STARD4: variants seen among roughly 807,000 people sequenced by gnomAD.
The protein encoded by STARD4 is stAR-related lipid transfer protein 4.
In STARD4, 33 loss-of-function variants were observed where a neutral mutation model predicts 24.9. The ratio of observed to expected loss-of-function variants is 1.32; its 90% confidence interval spans 1.00 to 1.77. The LOEUF (loss-of-function observed/expected upper bound fraction) is 1.77, where lower values mean the gene tolerates loss of function less well. STARD4 is among the 40% of genes most tolerant of loss of function. The probability of loss-of-function intolerance (pLI) is 0.00; values close to 1 mark genes in which losing one functional copy is unlikely to be tolerated. For synonymous variants in STARD4, 88 were observed against 77.4 expected, an observed-to-expected ratio of 1.14 and a Z score of -0.72; for missense variants, 238 against 249.3, an observed-to-expected ratio of 0.95 and a Z score of 0.31.
At chr5:111,506,299 G>C (rs946177430) in intron 3 of STARD4, 31 bp downstream of exon 3, 1 of 1,295,562 alleles carries the variant, frequency 7.7e-7, no homozygotes, top group African/African-American at 1.5e-5. Context: ...AATGTCTTAA[G>C]AGCTGTGTAA....
chr5:111,504,999 A>G (rs1326462807), intron 3 of STARD4: 1 of 455,012 alleles, frequency 2.2e-6, no homozygotes, highest in South Asian at 1.6e-5. Context: ...GTCCAACTCA[A>G]CACATCAGGT....
In STARD4 at chr5:111,507,317, G is replaced by T. The variant is rs141858664; in HGVS notation, c.105+12C>A. On this transcript the variant is annotated intron_variant, in intron 2 of 5. Transcript: ENST00000296632. This position sits in a 1 kb window ranked among gnomAD's most constrained non-coding sequence, Gnocchi z 4.4. ...AGATATACCCCAAATATAAGTAATT[G>T]AACTAATTTACCGTTTTCTTAGCAA... The T allele has an allele frequency of 3.4e-4, 539 of 1,600,602 alleles. 6 individuals are homozygous for T. In the East Asian group the frequency reaches 8.0e-3, roughly 24 times the overall value.
chr5:111,505,026 A>C, intron 3 of STARD4: 1 of 455,072 alleles, frequency 2.2e-6, no homozygotes, highest in Non-Finnish European at 4.4e-6. Context: ...TCTTTTGATC[A>C]CATATCCCTT....
rs1214516348 is a variant in STARD4 at position 111,503,041 on chromosome 5, C to T, written c.156-953G>A. Among the ~76,000 whole-genome samples the T allele has an allele frequency of 2.0e-5, 3 of 152,070 alleles. No individual in the cohort carries two copies. In the East Asian group the frequency reaches 5.8e-4, roughly 29 times the overall value. On this transcript the variant is annotated intron_variant, in intron 3 of 5. Coordinates refer to ENST00000296632, the MANE Select transcript of STARD4 (RefSeq NM_139164.3). The stretch of plus-strand genomic sequence containing the variant: ...GTTTCCACTTATTTTTATATTCTTT[C>T]CTCAGTTATCCTCTGACATACTAGT...
chr5:111,505,422 T>C lies in STARD4; in HGVS notation c.155+908A>G, dbSNP rs1756782468. On this transcript the variant is annotated intron_variant, in intron 3 of 5. Coordinates refer to ENST00000296632, the MANE Select transcript of STARD4 (RefSeq NM_139164.3). Reference sequence around the variant, plus strand: ...ACTAACAGGGTCCAGCAGTTTTATTTTGAAAAATGGCTGAGTCTTAAGGAT... The same window carrying C: ...ACTAACAGGGTCCAGCAGTTTTATTCTGAAAAATGGCTGAGTCTTAAGGAT... Among the ~76,000 whole-genome samples the C allele has an allele frequency of 2.6e-5, 4 of 152,330 alleles. 1 individual carries two copies. Among genetic ancestry groups the C allele is most frequent in the South Asian group, 4.1e-4 (2 of 4,828 alleles).
intron 5 of STARD4, 141 bp downstream of exon 5, chr5:111,500,861 A>G: frequency 6.4e-7 from 1 of 1,568,988 alleles, no homozygotes; most frequent in Non-Finnish European, 8.6e-7. Flanking sequence ...TTTACTCCCT[A>G]GAGTTTAGCA....
rs938925300 is a variant in STARD4 at position 111,498,332 on chromosome 5, T to C, written c.*1554A>G. The C allele has an allele frequency of 6.6e-6, 1 of 151,846 alleles. No homozygotes were observed. Among genetic ancestry groups the C allele is most frequent in the Admixed American group, 6.6e-5 (1 of 15,202 alleles). 9.4% of individuals were successfully genotyped at this position (151,846 alleles called of 1,614,324 possible). A position where few individuals can be genotyped will look rare whatever the true frequency, so the allele number is the denominator to read the frequency against. ...AAAGAGAGCACTAGAGTAGAGATAG[T>C]GGGCAGTTTATTTGCTTTTAGGGAC... On this transcript the variant is annotated 3_prime_UTR_variant, in exon 6 of 6. Transcript: ENST00000296632.
intron 4 of STARD4, among the ~76,000 whole-genome samples, chr5:111,501,446 T>C (rs1756446009): frequency 6.6e-6 from 1 of 152,188 alleles, no homozygotes; most frequent in Non-Finnish European, 1.5e-5. Flanking sequence ...AATCCACAAA[T>C]ACTTTGACTG....
chr5:111,499,202 T>C lies in STARD4; in HGVS notation c.*684A>G, dbSNP rs1389781744. ...GTTCAAAACCCAAAGTCATTTAGAA[T>C]GTGAAAATCATTTAGAAATTCTCAC... On this transcript the variant is annotated 3_prime_UTR_variant, in exon 6 of 6. Transcript: ENST00000296632. The C allele has an allele frequency of 1.3e-5, 2 of 152,228 alleles. No individual in the cohort carries two copies. Among genetic ancestry groups the C allele is most frequent in the East Asian group, 3.8e-4 (2 of 5,198 alleles). 9.4% of individuals were successfully genotyped at this position (152,228 alleles called of 1,614,324 possible).
At chr5:111,501,198 G>T (rs1463349667) in intron 4 of STARD4, 82 bp from the exon 5 acceptor site, 7 of 1,328,124 alleles carry the variant, frequency 5.3e-6, no homozygotes, top group South Asian at 3.4e-5. Context: ...TCTCTGGAAA[G>T]AAACTAATAT....
At chr5:111,505,534 C>A (rs181467510) in intron 3 of STARD4, among the ~76,000 whole-genome samples, 143 of 152,262 alleles carry the variant, frequency 9.4e-4, no homozygotes, top group African/African-American at 3.3e-3. Context: ...ATTAAATAAT[C>A]TTCAAAAATG....
rs894335566 is a variant in STARD4 at position 111,507,695 on chromosome 5, A to C, written c.-9-253T>G. Reference sequence around the variant, plus strand: ...TTTTTACAATTAAAATCACTCATACAGAAAGTAGAAGAGAAGACAGGAGGA... The same window carrying C: ...TTTTTACAATTAAAATCACTCATACCGAAAGTAGAAGAGAAGACAGGAGGA... On this transcript the variant is annotated intron_variant, in intron 1 of 5. Coordinates refer to ENST00000296632, the MANE Select transcript of STARD4 (RefSeq NM_139164.3). The surrounding 1 kb of genome is among the most constrained non-coding windows in gnomAD (Gnocchi z 4.4). Among the ~76,000 whole-genome samples, 2 of 152,200 alleles carry C rather than the reference A, an allele frequency of 1.3e-5. No individual in the cohort carries two copies. The highest frequency in any genetic ancestry group is 2.9e-5 in the Non-Finnish European group (2 of 68,016).
At chr5:111,506,531 G>T in intron 2 of STARD4, 152 bp from the exon 3 acceptor site, 1 of 400,458 alleles carries the variant, frequency 2.5e-6, no homozygotes, top group Non-Finnish European at 4.6e-6. Context: ...TACCATAAAA[G>T]GATTTGTATT....
intron 1 of STARD4, among the ~76,000 whole-genome samples, chr5:111,510,783 A>G (rs1242409664): frequency 2.0e-5 from 3 of 152,164 alleles, no homozygotes; most frequent in African/African-American, 7.2e-5. Context: ...TCCAACTCCA[A>G]TTATTCTCAA....
At chr5:111,502,394 C>T (rs998250840) in intron 3 of STARD4, among the ~76,000 whole-genome samples, 30 of 150,204 alleles carry the variant, frequency 2.0e-4, no homozygotes, top group Admixed American at 2.6e-4. Context: ...ACTTGAACCC[C>T]GGAGGTGGAG....
Position 111,508,840 on chromosome 5 carries a change from T to G in STARD4, c.-9-1398A>C, listed in dbSNP as rs1377941825. 3.3e-5 allele frequency among the ~76,000 whole-genome samples: 5 copies of G among 152,102 alleles called. No individual in the cohort carries two copies. In the East Asian group the frequency reaches 5.8e-4, roughly 18 times the overall value. The stretch of plus-strand genomic sequence containing the variant: ...GATCAGAACTAACTGATCTAAAAAT[T>G]AAAGTGACAGAAATAAATTAAGGTT... On this transcript the variant is annotated intron_variant, in intron 1 of 5. Coordinates refer to ENST00000296632, the MANE Select transcript of STARD4 (RefSeq NM_139164.3).
intron 3 of STARD4, among the ~76,000 whole-genome samples, chr5:111,504,815 T>A (rs1378988653): frequency 6.6e-6 from 1 of 152,192 alleles, no homozygotes; most frequent in Non-Finnish European, 1.5e-5. Context: ...AGTCAGAACT[T>A]ATCAGTCACT....
chr5:111,498,777 A>C lies in STARD4; in HGVS notation c.*1109T>G, dbSNP rs1756240151. ...GCTGCTGCCACCTTTTGTTTTTTGA[A>C]ATCTATCATCACCAGTGGCAAAAAA... On this transcript the variant is annotated 3_prime_UTR_variant, in exon 6 of 6. Transcript: ENST00000296632. The C allele has an allele frequency of 6.6e-6, 1 of 152,132 alleles. No individual in the cohort carries two copies. Among genetic ancestry groups the C allele is most frequent in the African/African-American group, 2.4e-5 (1 of 41,446 alleles). The allele number at this position is 152,132 out of a possible 1,614,324, so 9.4% of individuals were successfully genotyped here.
chr5:111,506,441 G>T, intron 2 of STARD4, 62 bp from the exon 3 acceptor site: 3 of 757,814 alleles, frequency 4.0e-6, no homozygotes, highest in South Asian at 4.0e-5. Flanking sequence ...ACACAAAACT[G>T]ATAATTTTAT....
Sources: gnomAD v4.1 joint callset for allele counts (sites outside exome capture counted in the v4.1 genomes callset) on GRCh38, gnomAD v4.1.1 for gene constraint, Gnocchi (gnomAD v3.1) non-coding constraint, MANE v1.5 for transcripts, NCBI Gene and HGNC (gene_info 2026-07-23, HGNC 2026-07-21) for gene names.